PDGFD: variants seen among roughly 807,000 people sequenced by gnomAD.
PDGFD encodes the protein platelet derived growth factor D.
PDGFD carries 30 observed loss-of-function variants against 44.7 expected under a neutral mutation model. That is an observed-to-expected ratio of 0.67 (90% CI 0.50 to 0.91). The LOEUF is 0.91. PDGFD is among the 40% of genes least tolerant of loss of function. The pLI is 0.00. For missense variants in PDGFD, 445 were observed against 457.8 expected (o/e 0.97, Z 0.25); for synonymous variants, 173 against 168.4 (o/e 1.03, Z -0.21).
intron 3 of PDGFD, among the ~76,000 whole-genome samples, chr11:103,962,148 G>C (rs1444964997): frequency 6.6e-6 from 1 of 152,094 alleles, no homozygotes; most frequent in African/African-American, 2.4e-5. Flanking sequence ...AAAACTTTTT[G>C]AAATGTCCAT....
At chr11:104,131,263 T>C (rs1861916181) in intron 1 of PDGFD, among the ~76,000 whole-genome samples, 1 of 152,158 alleles carries the variant, frequency 6.6e-6, no homozygotes, top group African/African-American at 2.4e-5. Flanking sequence ...CAATCAGACT[T>C]GTGTAATACT....
intron 1 of PDGFD, among the ~76,000 whole-genome samples, chr11:104,108,032 T>C (rs1253134267): frequency 1.3e-5 from 2 of 152,142 alleles, no homozygotes; most frequent in South Asian, 2.1e-4. Context: ...TTACAGAGAT[T>C]GCAGATGATT....
chr11:104,104,558 C>T (rs1861445114), intron 1 of PDGFD, among the ~76,000 whole-genome samples: 1 of 152,070 alleles, frequency 6.6e-6, no homozygotes, highest in Non-Finnish European at 1.5e-5. Context: ...CGACTGCCCA[C>T]AGTATTTAGT....
intron 1 of PDGFD, among the ~76,000 whole-genome samples, chr11:104,045,307 C>A (rs1177068614): frequency 6.6e-6 from 1 of 151,990 alleles, no homozygotes; most frequent in Non-Finnish European, 1.5e-5. Context: ...TAAGATATTT[C>A]TGGACTGGAA....
intron 6 of PDGFD, among the ~76,000 whole-genome samples, chr11:103,913,556 T>A (rs888067194): frequency 6.6e-6 from 1 of 152,130 alleles, no homozygotes; most frequent in African/African-American, 2.4e-5. Context: ...GCAGGAAATA[T>A]CTAAAATAGA....
intron 1 of PDGFD, among the ~76,000 whole-genome samples, chr11:104,024,130 G>A (rs1235805813): frequency 6.6e-6 from 1 of 152,088 alleles, no homozygotes; most frequent in Non-Finnish European, 1.5e-5. Context: ...AAATGAAAAG[G>A]TCTCATAAAA....
At chr11:103,924,788 C>T (rs537693877) in intron 6 of PDGFD, among the ~76,000 whole-genome samples, 37 of 152,240 alleles carry the variant, frequency 2.4e-4, no homozygotes, top group African/African-American at 8.9e-4. Flanking sequence ...AGAGAACTAC[C>T]TATTCCTTTG....
chr11:104,051,496 A>C (rs1413862392), intron 1 of PDGFD, among the ~76,000 whole-genome samples: 1 of 152,148 alleles, frequency 6.6e-6, no homozygotes, highest in Non-Finnish European at 1.5e-5. Context: ...GGGTCATACC[A>C]ACTGCAAGCT....
chr11:103,932,207 A>G (rs1365244515), intron 5 of PDGFD, among the ~76,000 whole-genome samples: 1 of 149,972 alleles, frequency 6.7e-6, no homozygotes, highest in Admixed American at 6.6e-5. Flanking sequence ...TTACTTTTTG[A>G]TGGTGCTTTC....
chr11:104,024,862 G>T (rs539691779), intron 1 of PDGFD, among the ~76,000 whole-genome samples: 1 of 152,332 alleles, frequency 6.6e-6, no homozygotes, highest in African/African-American at 2.4e-5. Flanking sequence ...CTCTATTGAA[G>T]AATGGATCTC....
At chr11:104,151,527 C>T (rs1862245326) in intron 1 of PDGFD, among the ~76,000 whole-genome samples, 1 of 152,036 alleles carries the variant, frequency 6.6e-6, no homozygotes, top group African/African-American at 2.4e-5. Context: ...ACATTCCCAA[C>T]AAAGAGAGAG....
chr11:103,922,646 C>T (rs1234358916), intron 6 of PDGFD, among the ~76,000 whole-genome samples: 1 of 152,152 alleles, frequency 6.6e-6, no homozygotes, highest in Non-Finnish European at 1.5e-5. Context: ...AACTCCTGGG[C>T]TCAAGCAATT....
At chr11:104,087,261 T>A (rs1861145812) in intron 1 of PDGFD, among the ~76,000 whole-genome samples, 1 of 148,808 alleles carries the variant, frequency 6.7e-6, no homozygotes, top group Admixed American at 6.8e-5. Flanking sequence ...AGTGGTGCAA[T>A]CTCAGCTTAC....
intron 1 of PDGFD, among the ~76,000 whole-genome samples, chr11:104,013,818 T>C (rs996552614): frequency 2.0e-5 from 3 of 151,646 alleles, no homozygotes; most frequent in African/African-American, 7.3e-5. Context: ...TGTGGCAAAA[T>C]AGATGGTCAG....
intron 3 of PDGFD, among the ~76,000 whole-genome samples, chr11:103,955,734 T>C (rs1260853619): frequency 6.6e-6 from 1 of 152,160 alleles, no homozygotes; most frequent in Admixed American, 6.5e-5. Context: ...AATATATGTT[T>C]CTTAGAGTTA....
chr11:103,921,504 G>A (rs975326375), intron 6 of PDGFD, among the ~76,000 whole-genome samples: 12 of 151,346 alleles, frequency 7.9e-5, no homozygotes, highest in South Asian at 2.1e-4. Context: ...ACAGATGCTC[G>A]TTGACTTATG....
chr11:104,136,765 G>A (rs1369800052), intron 1 of PDGFD, among the ~76,000 whole-genome samples: 2 of 152,104 alleles, frequency 1.3e-5, no homozygotes, highest in African/African-American at 4.8e-5. Context: ...ACTCTACCAG[G>A]CATGATCGCC....
chr11:104,073,148 A>C (rs1860904988), intron 1 of PDGFD, among the ~76,000 whole-genome samples: 1 of 152,026 alleles, frequency 6.6e-6, no homozygotes, highest in African/African-American at 2.4e-5. Flanking sequence ...TATCCTCCAA[A>C]ATTAGCATAA....
intron 1 of PDGFD, among the ~76,000 whole-genome samples, chr11:104,112,966 G>A (rs1861581725): frequency 6.6e-6 from 1 of 151,972 alleles, no homozygotes; most frequent in Non-Finnish European, 1.5e-5. Flanking sequence ...AATCTGTACA[G>A]CAAACCTCCA....
Sources: gnomAD v4.1 joint callset for allele counts (sites outside exome capture counted in the v4.1 genomes callset) on GRCh38, gnomAD v4.1.1 for gene constraint, MANE v1.5 for transcripts, NCBI Gene and HGNC (gene_info 2026-07-23, HGNC 2026-07-21) for gene names.